The following OPHN1 variants were observed in gnomAD, a reference collection of about 807,000 sequenced individuals.
OPHN1 encodes oligophrenin 1.
A neutral mutation model predicts 60.7 loss-of-function variants in OPHN1; 11 were observed. The ratio of observed to expected loss-of-function variants is 0.18; its 90% CI spans 0.11 to 0.30. OPHN1 has a LOEUF of 0.30. Ranked by LOEUF, OPHN1 falls within the 10% of genes least tolerant of loss-of-function variation. The pLI is 1.00. For synonymous variants in OPHN1, 226 were observed against 222.6 expected, an observed-to-expected ratio of 1.02 and a Z score of -0.14; for missense variants, 449 against 611.0, an observed-to-expected ratio of 0.73 and a Z score of 2.80.
chrX:68,132,932 C>G, intron 15 of OPHN1: 2 of 376,704 alleles, frequency 5.3e-6, no homozygotes, highest in South Asian at 7.2e-5. Flanking sequence ...CCCTGCTTCC[C>G]CGAAGCAGCC....
chrX:68,214,242 C>T (rs2077598182), intron 6 of OPHN1, among the ~76,000 whole-genome samples: 2 of 112,251 alleles, frequency 1.8e-5, no homozygotes, highest in Non-Finnish European at 3.8e-5. Flanking sequence ...AAAATCCACA[C>T]ATTTTATTAT....
intron 20 of OPHN1, among the ~76,000 whole-genome samples, chrX:68,072,057 T>C (rs1027574843): frequency 9.0e-6 from 1 of 111,539 alleles, no homozygotes; most frequent in African/African-American, 3.3e-5. Flanking sequence ...AAAGGGAAAG[T>C]AGTAACCAAG....
At chrX:68,079,480 CA>C (rs1212650945) in intron 19 of OPHN1, among the ~76,000 whole-genome samples, 1 of 111,704 alleles carries the variant, frequency 9.0e-6, no homozygotes, top group African/African-American at 3.3e-5. Context: ...CACATTTAAC[CA>C]ATCCATTTCT....
At chrX:68,068,470 CAAAA>C (rs61188762) in intron 20 of OPHN1, among the ~76,000 whole-genome samples, 1 of 39,791 alleles carries the variant, frequency 2.5e-5, no homozygotes, top group Non-Finnish European at 4.1e-5. Flanking sequence ...GACTCCATCT[CAAAA>C]AAAAAAAAAA....
intron 10 of OPHN1, among the ~76,000 whole-genome samples, chrX:68,205,449 A>AAATAAT (rs758442874): frequency 6.8e-4 from 74 of 109,130 alleles, no homozygotes; most frequent in African/African-American, 2.4e-3. Flanking sequence ...GCTCCATCGC[A>AAATAAT]AATAATAATA....
chrX:68,213,933 C>G lies in OPHN1; in HGVS notation c.526G>C (p.Glu176Gln). 5.8e-6 allele frequency: 7 copies of G among 1,204,448 alleles called. No individual in the cohort carries two copies. The highest frequency in any genetic ancestry group is 7.9e-6 in the Non-Finnish European group (7 of 890,188). Residue 176 changes from glutamate to glutamine, a missense_variant, in exon 7 of 25, where the codon GAG becomes CAG. Glu to Gln is a conservative substitution (Grantham distance 29, BLOSUM62 2). Transcript: ENST00000355520. Reference protein sequence around the residue: ...QVDKERHNFFESSLDYVYQIQ... With the variant: ...QVDKERHNFFQSSLDYVYQIQ... ...TGATAAACATAATCAAGAGAGGACTCGAAAAAATTGTGCCTCTCCTTGTCC... is the reference window on the plus strand; with the variant it reads ...TGATAAACATAATCAAGAGAGGACTGGAAAAAATTGTGCCTCTCCTTGTCC...
At chrX:68,395,048 C>T (rs192945902) in intron 2 of OPHN1, among the ~76,000 whole-genome samples, 1 of 110,665 alleles carries the variant, frequency 9.0e-6, no homozygotes, top group Admixed American at 9.7e-5. Flanking sequence ...CTCCGCCTCC[C>T]AGACTCAAGC....
chrX:68,314,314 G>A lies in OPHN1; in HGVS notation c.155-15218C>T, dbSNP rs755828177. 1.9e-3 allele frequency among the ~76,000 whole-genome samples: 216 copies of A among 111,373 alleles called. 1 individual carries two copies. Among genetic ancestry groups the A allele is most frequent in the Non-Finnish European group, 3.0e-3 (160 of 53,017 alleles). On this transcript the variant is annotated intron_variant, in intron 2 of 24. Coordinates refer to ENST00000355520, the MANE Select transcript of OPHN1 (RefSeq NM_002547.3). ...AGGCGGGTGGATCACTTGAGGTCAGGAGTTCGAGACCAGCCTGACCAACAA... is the reference window on the plus strand; with the variant it reads ...AGGCGGGTGGATCACTTGAGGTCAGAAGTTCGAGACCAGCCTGACCAACAA...
At chrX:68,231,290 T>C (rs920297379) in intron 6 of OPHN1, among the ~76,000 whole-genome samples, 6 of 112,070 alleles carry the variant, frequency 5.4e-5, no homozygotes, top group African/African-American at 1.9e-4. Context: ...TTACTTTTAA[T>C]GGTACAACGC....
intron 5 of OPHN1, among the ~76,000 whole-genome samples, chrX:68,255,901 G>A (rs1487496931): frequency 1.8e-5 from 2 of 111,492 alleles, no homozygotes; most frequent in Non-Finnish European, 3.8e-5. Context: ...TCCTAGGACA[G>A]AAAGTCATTA....
At chrX:68,231,238 G>C (rs1437046281) in intron 6 of OPHN1, among the ~76,000 whole-genome samples, 1 of 111,818 alleles carries the variant, frequency 8.9e-6, no homozygotes, top group African/African-American at 3.2e-5. Flanking sequence ...GATATTCCAT[G>C]TACATATTAG....
chrX:68,367,067 A>C (rs1400784345), intron 2 of OPHN1, among the ~76,000 whole-genome samples: 3 of 110,849 alleles, frequency 2.7e-5, no homozygotes, highest in Non-Finnish European at 5.7e-5. Flanking sequence ...AACATCAAAA[A>C]CACATGCAGA....
chrX:68,247,355 C>A (rs2077811424), intron 5 of OPHN1, among the ~76,000 whole-genome samples: 1 of 111,771 alleles, frequency 8.9e-6, no homozygotes, highest in Non-Finnish European at 1.9e-5. Flanking sequence ...TATAGTTTTG[C>A]TTGTCAGGCA....
At position 68,423,271 on chromosome X, in the gene OPHN1, C is replaced by T. The variant is rs183311063; in HGVS notation, c.154+9596G>A. On this transcript the variant is annotated intron_variant, in intron 2 of 24. Transcript: ENST00000355520. The stretch of plus-strand genomic sequence containing the variant: ...CTATCTCCTGACCTCGTGATCTGCC[C>T]GCCTCGGCCTCCCAAAGTGCTGGGA... 1.3e-4 allele frequency among the ~76,000 whole-genome samples: 15 copies of T among 111,133 alleles called. No individual in the cohort carries two copies. The East Asian group carries it at 2.8e-3, about 21-fold the overall frequency.
chrX:68,161,789 AG>A (rs747852866), intron 15 of OPHN1, among the ~76,000 whole-genome samples: 1 of 111,521 alleles, frequency 9.0e-6, no homozygotes, highest in African/African-American at 3.2e-5. Context: ...TACTTATAAA[AG>A]TCAAAACACC....
At chrX:68,148,002 A>G (rs1246555591) in intron 15 of OPHN1, among the ~76,000 whole-genome samples, 1 of 111,604 alleles carries the variant, frequency 9.0e-6, no homozygotes, top group African/African-American at 3.3e-5. Context: ...TGTTATTTCC[A>G]GTTATGAGAA....
chrX:68,433,448 C>G lies in OPHN1; in HGVS notation c.-285G>C. The stretch of plus-strand genomic sequence containing the variant: ...GCGAGGTTAGAGCTGGAGCTGGGAA[C>G]AGCCTCTCTACAGGCTCCTCGCTCC... On this transcript the variant is annotated 5_prime_UTR_variant, in exon 1 of 25. Transcript: ENST00000355520. 1.1e-5 allele frequency: 3 copies of G among 273,810 alleles called. No individual in the cohort carries two copies. The highest frequency in any genetic ancestry group is 1.9e-5 in the Non-Finnish European group (3 of 155,568). 22.6% of individuals were successfully genotyped at this position (273,810 alleles called of 1,213,427 possible). A position where few individuals can be genotyped will look rare whatever the true frequency, so the allele number is the denominator to read the frequency against.
intron 21 of OPHN1, among the ~76,000 whole-genome samples, chrX:68,063,411 C>T (rs1158603048): frequency 9.1e-6 from 1 of 109,411 alleles, no homozygotes; most frequent in Non-Finnish European, 1.9e-5. Context: ...GTCCCAGCTA[C>T]TCAGGAGGCT....
chrX:68,122,895 A>T (rs2147447670), intron 15 of OPHN1, among the ~76,000 whole-genome samples: 1 of 111,476 alleles, frequency 9.0e-6, no homozygotes, highest in Non-Finnish European at 1.9e-5. Context: ...ACTGGCCTTA[A>T]AGAGGAGGTA....
Sources: allele counts gnomAD v4.1 joint callset (sites outside exome capture counted in the v4.1 genomes callset), GRCh38; gene constraint gnomAD v4.1.1; transcripts MANE v1.5; gene names NCBI Gene and HGNC (gene_info 2026-07-23, HGNC 2026-07-21).